The following ZPBP variants were observed in gnomAD, a reference collection of about 807,000 sequenced individuals.
ZPBP encodes zona pellucida-binding protein 1.
In ZPBP, 26 loss-of-function variants were observed where a neutral mutation model predicts 44.8. The ratio of observed to expected loss-of-function variants is 0.58; its 90% CI spans 0.43 to 0.81. ZPBP has a LOEUF of 0.81. ZPBP is among the 30% of genes least tolerant of loss of function. ZPBP has a pLI of 0.00. For synonymous variants in ZPBP, 174 were observed against 153.2 expected (o/e 1.14, Z -1.00); for missense variants, 409 against 434.0 (o/e 0.94, Z 0.51).
chr7:49,868,128 C>T (rs187183986), intron 2 of ZPBP, among the ~76,000 whole-genome samples: 1 of 152,322 alleles, frequency 6.6e-6, no homozygotes, highest in East Asian at 1.9e-4. Context: ...GCCACTGTGC[C>T]TGTCCAAGGA....
At chr7:50,004,342 C>T (rs1165731006) in intron 6 of ZPBP, among the ~76,000 whole-genome samples, 1 of 152,004 alleles carries the variant, frequency 6.6e-6, no homozygotes, top group Non-Finnish European at 1.5e-5. Flanking sequence ...GGACCTGCAA[C>T]AGCAGTCTTC....
chr7:49,903,719 G>A (rs888519096), intron 1 of ZPBP, among the ~76,000 whole-genome samples: 6 of 152,162 alleles, frequency 3.9e-5, no homozygotes, highest in East Asian at 1.9e-4. Flanking sequence ...AAGTGGCTAC[G>A]TTGTCTGGGG....
intron 3 of ZPBP, among the ~76,000 whole-genome samples, chr7:50,064,140 C>T (rs965874006): frequency 5.3e-5 from 8 of 152,036 alleles, no homozygotes; most frequent in African/African-American, 1.9e-4. Flanking sequence ...GCTGGGCATC[C>T]GGGGGAGACA....
intron 1 of ZPBP, chr7:49,917,461 A>G (rs1452442861): frequency 6.6e-6 from 1 of 152,238 alleles, no homozygotes; most frequent in East Asian, 1.9e-4. Flanking sequence ...TTATGATTTA[A>G]GACGTGCATA....
At chr7:49,951,727 T>G (rs964762491) in intron 7 of ZPBP, among the ~76,000 whole-genome samples, 17 of 151,600 alleles carry the variant, frequency 1.1e-4, no homozygotes, top group Admixed American at 5.9e-4. Flanking sequence ...GTAATTCCAC[T>G]CTTGGTATGT....
chr7:50,074,624 T>TA (rs1378170118), intron 3 of ZPBP, among the ~76,000 whole-genome samples: 1 of 151,794 alleles, frequency 6.6e-6, no homozygotes, highest in African/African-American at 2.4e-5. Flanking sequence ...TTGCTATACT[T>TA]ACATCAGACA....
intron 6 of ZPBP, among the ~76,000 whole-genome samples, chr7:50,013,789 T>C (rs1038373104): frequency 8.5e-5 from 13 of 152,098 alleles, no homozygotes; most frequent in African/African-American, 2.7e-4. Flanking sequence ...AACTGAAAAC[T>C]TGAGTCAAGT....
chr7:49,940,833 A>G (rs1794848288), intron 7 of ZPBP: 1 of 983,852 alleles, frequency 1.0e-6, no homozygotes, highest in Admixed American at 6.2e-5. Flanking sequence ...TGCCTGTGGG[A>G]TTGGTTTGTG....
At chr7:49,894,478 TA>T (rs1428041096) in intron 2 of ZPBP, among the ~76,000 whole-genome samples, 2 of 152,264 alleles carry the variant, frequency 1.3e-5, no homozygotes, top group African/African-American at 4.8e-5. Flanking sequence ...TCCCTTGTTA[TA>T]AAAATCCAAA....
At chr7:50,009,979 G>A (rs1206328004) in intron 6 of ZPBP, among the ~76,000 whole-genome samples, 2 of 152,000 alleles carry the variant, frequency 1.3e-5, no homozygotes, top group African/African-American at 4.8e-5. Flanking sequence ...ACTGATAGAG[G>A]AAATAGCAGG....
chr7:49,905,805 C>G (rs937174076), intron 1 of ZPBP, among the ~76,000 whole-genome samples: 3 of 150,304 alleles, frequency 2.0e-5, no homozygotes, highest in Non-Finnish European at 4.5e-5. Flanking sequence ...GGTCATAAAG[C>G]CCTTGCTGAT....
At chr7:50,044,619 A>C (rs1182263638) in intron 4 of ZPBP, among the ~76,000 whole-genome samples, 1 of 152,246 alleles carries the variant, frequency 6.6e-6, no homozygotes, top group African/African-American at 2.4e-5. Flanking sequence ...CTAAACCAGG[A>C]AGAAATAAAA....
intron 6 of ZPBP, among the ~76,000 whole-genome samples, chr7:50,014,471 T>C (rs1295012373): frequency 6.7e-6 from 1 of 149,598 alleles, no homozygotes; most frequent in Non-Finnish European, 1.5e-5. Flanking sequence ...TTTTCTTTTT[T>C]TTTTTTTTTT....
chr7:49,927,865 A>G (rs1794301573), intron 1 of ZPBP, among the ~76,000 whole-genome samples: 1 of 152,198 alleles, frequency 6.6e-6, no homozygotes, highest in African/African-American at 2.4e-5. Context: ...CAATAAATTT[A>G]TTTAGTAAGT....
intron 4 of ZPBP, among the ~76,000 whole-genome samples, chr7:50,056,659 C>T (rs1199883972): frequency 6.6e-6 from 1 of 152,192 alleles, no homozygotes; most frequent in African/African-American, 2.4e-5. Flanking sequence ...CTCCTGGCTA[C>T]TCCATATTGA....
At chr7:49,897,202 T>C (rs985942929) in intron 2 of ZPBP, among the ~76,000 whole-genome samples, 2 of 152,218 alleles carry the variant, frequency 1.3e-5, no homozygotes, top group African/African-American at 4.8e-5. Flanking sequence ...GCCGGATTGA[T>C]AATTTTTTAA....
downstream of ZPBP, among the ~76,000 whole-genome samples, chr7:49,935,600 T>C (rs147740720): frequency 4.8e-3 from 735 of 152,280 alleles, 3 homozygotes; most frequent in African/African-American, 0.017. Flanking sequence ...GGTTTCACCA[T>C]GTTGGCCAGA....
At chr7:49,921,573 C>A (rs1198570425) in intron 1 of ZPBP, 14 of 152,034 alleles carry the variant, frequency 9.2e-5, no homozygotes, top group Admixed American at 9.2e-4. Flanking sequence ...GTGGTATCAA[C>A]CACTAAGAGG....
At chr7:49,878,056 T>C (rs972188710) in intron 2 of ZPBP, among the ~76,000 whole-genome samples, 1 of 152,152 alleles carries the variant, frequency 6.6e-6, no homozygotes. Context: ...AGAAGTTTTC[T>C]GGCTTTTTTC....
Sources: allele counts gnomAD v4.1 joint callset (sites outside exome capture counted in the v4.1 genomes callset), GRCh38; gene constraint gnomAD v4.1.1; transcripts MANE v1.5; gene names NCBI Gene and HGNC (gene_info 2026-07-23, HGNC 2026-07-21).